The following TANC2 variants were observed in gnomAD, a reference collection of about 807,000 sequenced individuals.
TANC2 encodes the protein protein TANC2.
In TANC2, 26 loss-of-function variants were observed where a neutral mutation model predicts 210.5. The observed-to-expected ratio is 0.12, with a 90% CI of 0.09 to 0.17. The LOEUF is 0.17. Ranked by LOEUF, TANC2 falls within the 10% of genes least tolerant of loss-of-function variation. The pLI is 1.00. For synonymous variants in TANC2, 931 were observed against 967.1 expected, an observed-to-expected ratio of 0.96 and a Z score of 0.69; for missense variants, 2,129 against 2,608.9, an observed-to-expected ratio of 0.82 and a Z score of 4.01.
intron 9 of TANC2, among the ~76,000 whole-genome samples, chr17:63,288,276 TTCTGAC>T (rs2044284651): frequency 6.6e-6 from 1 of 152,222 alleles, no homozygotes; most frequent in African/African-American, 2.4e-5. Flanking sequence ...ATGTGTCAGA[TTCTGAC>T]TGGGTTCTCT....
At chr17:63,417,450 G>A (rs2048899141) in intron 26 of TANC2, among the ~76,000 whole-genome samples, 1 of 152,090 alleles carries the variant, frequency 6.6e-6, no homozygotes, top group Admixed American at 6.5e-5. Flanking sequence ...TCTGTTTCCA[G>A]GGGTTCTCAG....
At chr17:63,147,067 C>G (rs1204637579) in intron 4 of TANC2, among the ~76,000 whole-genome samples, 1 of 152,114 alleles carries the variant, frequency 6.6e-6, no homozygotes, top group Non-Finnish European at 1.5e-5. Flanking sequence ...GTGGGTGGCT[C>G]ATGCCTGTAA....
chr17:63,253,922 T>C (rs1024981884), intron 8 of TANC2, among the ~76,000 whole-genome samples: 4 of 152,158 alleles, frequency 2.6e-5, no homozygotes, highest in African/African-American at 9.7e-5. Context: ...GTGCTGGGAT[T>C]ACAAGCATGA....
At chr17:63,379,769 A>G in exon 15 of TANC2, 1 of 1,613,288 alleles carries the variant, frequency 6.2e-7, no homozygotes, top group Non-Finnish European at 8.5e-7. Flanking sequence ...AGGGAAAACT[A>G]AACCGACAGC....
chr17:63,023,777 G>C (rs797020955), intron 2 of TANC2, among the ~76,000 whole-genome samples: 6 of 152,272 alleles, frequency 3.9e-5, no homozygotes, highest in African/African-American at 1.4e-4. Context: ...AGAAAATAAG[G>C]ATTCTGATTT....
chr17:63,158,444 G>A (rs1567772117), intron 5 of TANC2, among the ~76,000 whole-genome samples: 2 of 152,210 alleles, frequency 1.3e-5, no homozygotes, highest in African/African-American at 2.4e-5. Context: ...CAGTGTTCAG[G>A]AAGAATTCTG....
Position 62,988,454 on chromosome 17 carries a change from C to T in TANC2, c.-23-21083C>T, listed in dbSNP as rs556907342. Among the ~76,000 whole-genome samples, 9 of 152,140 alleles carry T rather than the reference C, an allele frequency of 5.9e-5. No individual in the cohort carries two copies. The South Asian group carries it at 1.5e-3, about 25-fold the overall frequency. On this transcript the variant is annotated intron_variant, in intron 1 of 27. Transcript: ENST00000689528. ...TGCCTGGCCAAGATGGAGTTTCTTGCTCTAATTACGTTTTTTGTAGGTTTT... is the reference window on the plus strand; with the variant it reads ...TGCCTGGCCAAGATGGAGTTTCTTGTTCTAATTACGTTTTTTGTAGGTTTT...
chr17:63,293,760 C>G (rs1243935394), intron 9 of TANC2, among the ~76,000 whole-genome samples: 1 of 151,454 alleles, frequency 6.6e-6, no homozygotes, highest in Non-Finnish European at 1.5e-5. Flanking sequence ...TGTTTTTTTT[C>G]CCGTGGGTGC....
chr17:63,393,773 A>T (rs559110986), intron 17 of TANC2, among the ~76,000 whole-genome samples: 2,576 of 125,544 alleles, frequency 0.021, 33 homozygotes, highest in African/African-American at 0.031. Context: ...TATTATTATT[A>T]TTATTTTTTT....
intron 4 of TANC2, among the ~76,000 whole-genome samples, chr17:63,115,840 G>GT (rs2038229226): frequency 6.6e-6 from 1 of 152,190 alleles, no homozygotes; most frequent in Non-Finnish European, 1.5e-5. Context: ...GGTCAGAGTA[G>GT]TTAGGTGCCT....
At chr17:63,359,863 T>C (rs1409694938) in intron 14 of TANC2, among the ~76,000 whole-genome samples, 1 of 152,230 alleles carries the variant, frequency 6.6e-6, no homozygotes, top group Non-Finnish European at 1.5e-5. Flanking sequence ...AAATCCTACC[T>C]ATACCATGGG....
At chr17:63,098,000 TA>T (rs1425287301) in intron 3 of TANC2, among the ~76,000 whole-genome samples, 1 of 152,216 alleles carries the variant, frequency 6.6e-6, no homozygotes, top group African/African-American at 2.4e-5. Flanking sequence ...GCTAAAATTT[TA>T]AACGTTTATT....
intron 2 of TANC2, among the ~76,000 whole-genome samples, chr17:63,023,214 G>C (rs1035004768): frequency 1.3e-5 from 2 of 152,220 alleles, no homozygotes; most frequent in African/African-American, 2.4e-5. Flanking sequence ...ACTCTATCCT[G>C]TGAGAACAGT....
intron 3 of TANC2, among the ~76,000 whole-genome samples, chr17:63,074,400 G>T (rs2036504825): frequency 1.3e-5 from 2 of 151,870 alleles, no homozygotes; most frequent in African/African-American, 2.4e-5. Context: ...AGAAGAAATG[G>T]TTTTTGTTGG....
At chr17:63,016,466 C>T (rs745786180) in intron 2 of TANC2, among the ~76,000 whole-genome samples, 1 of 152,260 alleles carries the variant, frequency 6.6e-6, no homozygotes, top group East Asian at 1.9e-4. Flanking sequence ...TTTTGTTGGT[C>T]TGTTCTTCCT....
At chr17:63,298,028 G>T (rs1162702039) in intron 9 of TANC2, among the ~76,000 whole-genome samples, 1 of 152,040 alleles carries the variant, frequency 6.6e-6, no homozygotes, top group Non-Finnish European at 1.5e-5. Context: ...CCCTAGGATG[G>T]CTGTAATAAA....
chr17:63,314,278 T>C (rs2045237231), intron 9 of TANC2, 110 bp from the exon 10 acceptor site: 1 of 1,185,110 alleles, frequency 8.4e-7, no homozygotes, highest in Admixed American at 2.3e-5. Context: ...AAGCCTAGGA[T>C]GCCATCATAT....
chr17:62,985,755 A>G (rs1003361828), intron 1 of TANC2, among the ~76,000 whole-genome samples: 4 of 152,174 alleles, frequency 2.6e-5, no homozygotes, highest in South Asian at 2.1e-4. Flanking sequence ...TTCTCATTCA[A>G]GTTATCAATA....
chr17:63,204,865 A>G (rs1598602192), intron 7 of TANC2, among the ~76,000 whole-genome samples: 1 of 152,158 alleles, frequency 6.6e-6, no homozygotes, highest in Non-Finnish European at 1.5e-5. Context: ...CAGACGGATC[A>G]GTTGAGGTCA....
Sources: allele counts gnomAD v4.1 joint callset (sites outside exome capture counted in the v4.1 genomes callset), GRCh38; gene constraint gnomAD v4.1.1; transcripts MANE v1.5; gene names NCBI Gene and HGNC (gene_info 2026-07-23, HGNC 2026-07-21).